The following SRGAP1 variants were observed in gnomAD, a reference collection of about 807,000 sequenced individuals.
SRGAP1 encodes the protein SLIT-ROBO Rho GTPase activating protein 1, also known as SLIT-ROBO Rho GTPase-activating protein 1.
Under a neutral mutation model 121.9 loss-of-function variants are expected in SRGAP1, and 43 were observed. The ratio of observed to expected loss-of-function variants is 0.35; its 90% CI spans 0.28 to 0.46. The LOEUF (loss-of-function observed/expected upper bound fraction) is 0.46, where lower values mean the gene tolerates loss of function less well. Among genes scored for constraint, SRGAP1 ranks in the 20% least tolerant of loss-of-function variants. The probability of loss-of-function intolerance (pLI) is 1.00; values close to 1 mark genes in which losing one functional copy is unlikely to be tolerated. For synonymous variants in SRGAP1, 447 were observed against 485.4 expected (o/e 0.92, Z 1.04); for missense variants, 1,102 against 1,350.9 (o/e 0.82, Z 2.89).
intron 1 of SRGAP1, among the ~76,000 whole-genome samples, chr12:63,873,237 C>T (rs1326601086): frequency 6.6e-6 from 1 of 151,922 alleles, no homozygotes; most frequent in African/African-American, 2.4e-5. Flanking sequence ...GATTAGAAAA[C>T]TGAGGAAAGT....
At chr12:64,097,535 A>G in intron 15 of SRGAP1, 160 bp downstream of exon 15, 1 of 772,394 alleles carries the variant, frequency 1.3e-6, no homozygotes, top group Non-Finnish European at 1.9e-6. Flanking sequence ...AGTGCGAGTC[A>G]TCCTCCCAGC....
At position 63,844,987 on chromosome 12, in the gene SRGAP1, AG is replaced by A. The variant is rs147156729; in HGVS notation, c.67+108del. ...GTGTCTGCGTGGGAGGAAGGTGGTG[AG>A]GGGACAGCTCGAGCCCTGTCTGAGC... On this transcript the variant is annotated intron_variant, in intron 1 of 21. Coordinates refer to ENST00000355086, the MANE Select transcript of SRGAP1 (RefSeq NM_020762.4). This position sits in a 1 kb window ranked among gnomAD's most constrained non-coding sequence, Gnocchi z 4.3. The A allele has an allele frequency of 9.0e-4, 1,064 of 1,181,104 alleles. 5 individuals are homozygous for A. The African/African-American group carries it at 0.014, about 16-fold the overall frequency. The allele number at this position is 1,181,104 out of a possible 1,614,324, so 73.2% of individuals were successfully genotyped here. A position where few individuals can be genotyped will look rare whatever the true frequency, so the allele number is the denominator to read the frequency against.
intron 8 of SRGAP1, among the ~76,000 whole-genome samples, chr12:64,076,908 G>T (rs540547551): frequency 8.7e-4 from 132 of 152,232 alleles, no homozygotes; most frequent in Non-Finnish European, 1.5e-3. Context: ...CTCCCAAAGT[G>T]CTGGGATTAC....
intron 10 of SRGAP1, among the ~76,000 whole-genome samples, chr12:64,083,285 T>C (rs1166320141): frequency 1.3e-5 from 2 of 152,222 alleles, no homozygotes; most frequent in Admixed American, 1.3e-4. Flanking sequence ...CTCTGAAGTA[T>C]ACTAGACTCA....
At chr12:63,877,581 T>C (rs1463253722) in intron 1 of SRGAP1, among the ~76,000 whole-genome samples, 1 of 152,244 alleles carries the variant, frequency 6.6e-6, no homozygotes, top group Admixed American at 6.5e-5. Flanking sequence ...AATGTTATAG[T>C]AATGCTACAG....
At chr12:63,958,091 G>A (rs1838433643) in intron 1 of SRGAP1, among the ~76,000 whole-genome samples, 1 of 151,864 alleles carries the variant, frequency 6.6e-6, no homozygotes, top group African/African-American at 2.4e-5. Context: ...ATACTGGGAT[G>A]GGTATATACC....
At chr12:64,023,747 G>GAT (rs917268365) in intron 4 of SRGAP1, among the ~76,000 whole-genome samples, 2 of 152,196 alleles carry the variant, frequency 1.3e-5, no homozygotes, top group African/African-American at 4.8e-5. Context: ...AGGAAATGAA[G>GAT]ATATATCCAG....
chr12:63,987,390 C>T (rs910481575), intron 2 of SRGAP1, among the ~76,000 whole-genome samples: 1 of 152,190 alleles, frequency 6.6e-6, no homozygotes, highest in Non-Finnish European at 1.5e-5. Flanking sequence ...TTTATCAAAT[C>T]AGTATGCCTT....
At chr12:63,971,124 A>G (rs1177279722) in intron 1 of SRGAP1, among the ~76,000 whole-genome samples, 3 of 152,028 alleles carry the variant, frequency 2.0e-5, no homozygotes, top group African/African-American at 7.2e-5. Context: ...ACAACTTACC[A>G]AATTTCTGCT....
intron 21 of SRGAP1, 149 bp from the exon 22 acceptor site, chr12:64,142,146 G>T: frequency 2.7e-6 from 2 of 751,386 alleles, no homozygotes; most frequent in Non-Finnish European, 4.3e-6. Context: ...GTGTGAGATG[G>T]CATAATGTTT....
chr12:64,091,910 C>T (rs1034156179), intron 12 of SRGAP1: 14 of 1,535,682 alleles, frequency 9.1e-6, no homozygotes, highest in African/African-American at 5.5e-5. Context: ...CGAAGAAACT[C>T]GCACACAAGA....
intron 10 of SRGAP1, chr12:64,081,374 C>G (rs1190056799): frequency 6.6e-6 from 1 of 151,842 alleles, no homozygotes; most frequent in Non-Finnish European, 1.5e-5. Flanking sequence ...CACCAAAGAA[C>G]TCATCATCCT....
intron 3 of SRGAP1, among the ~76,000 whole-genome samples, chr12:63,994,698 C>G (rs1042661611): frequency 6.6e-6 from 1 of 152,128 alleles, no homozygotes; most frequent in Admixed American, 6.6e-5. Context: ...TTCTGCTTAG[C>G]TATTTTAAGA....
At position 64,065,234 on chromosome 12, in the gene SRGAP1, G is replaced by A. The variant is rs377603270; in HGVS notation, c.1125+15G>A. 59 of 1,590,732 alleles carry A rather than the reference G, an allele frequency of 3.7e-5. No individual in the cohort carries two copies. The highest frequency in any genetic ancestry group is 6.8e-5 in the East Asian group (3 of 44,346). On this transcript the variant is annotated intron_variant, in intron 8 of 21. Coordinates refer to ENST00000355086, the MANE Select transcript of SRGAP1 (RefSeq NM_020762.4). ...AGAATGAAGAGGTGAGCATGCGTTC[G>A]TCCTGCCACACCAGTAATCTGAATT...
At position 63,861,304 on chromosome 12, in the gene SRGAP1, T is replaced by TA. The variant is rs201402664; in HGVS notation, c.67+16421_67+16422insA. The stretch of plus-strand genomic sequence containing the variant: ...ATGGTAGGCATATATATATATATAT[T>TA]TTTTTTTTTTTTTGAGGCAAAGTCT... On this transcript the variant is annotated intron_variant, in intron 1 of 21. Coordinates refer to ENST00000355086, the MANE Select transcript of SRGAP1 (RefSeq NM_020762.4). Among the ~76,000 whole-genome samples, 261 of 105,784 alleles carry TA rather than the reference T, an allele frequency of 2.5e-3. 1 individual carries two copies. Among genetic ancestry groups the TA allele is most frequent in the African/African-American group, 8.6e-3 (216 of 25,080 alleles). 69.4% of individuals were successfully genotyped at this position (105,784 alleles called of 152,430 possible). A position where few individuals can be genotyped will look rare whatever the true frequency, so the allele number is the denominator to read the frequency against.
intron 1 of SRGAP1, among the ~76,000 whole-genome samples, chr12:63,906,503 C>T (rs992390027): frequency 3.3e-5 from 5 of 151,882 alleles, no homozygotes; most frequent in Non-Finnish European, 5.9e-5. Context: ...TTAGTAGAGA[C>T]GGGGTTTCAC....
At chr12:63,907,801 C>T (rs1007303391) in intron 1 of SRGAP1, among the ~76,000 whole-genome samples, 3 of 152,114 alleles carry the variant, frequency 2.0e-5, no homozygotes, top group African/African-American at 4.8e-5. Flanking sequence ...TTGCCTAACC[C>T]AGGGTCATTG....
intron 6 of SRGAP1, among the ~76,000 whole-genome samples, chr12:64,056,962 C>T (rs1240804310): frequency 6.6e-6 from 1 of 152,154 alleles, no homozygotes; most frequent in East Asian, 1.9e-4. Flanking sequence ...ACCATCTGGC[C>T]TGTATTTAAT....
intron 4 of SRGAP1, among the ~76,000 whole-genome samples, chr12:64,031,964 C>G (rs958988206): frequency 6.6e-6 from 1 of 152,132 alleles, no homozygotes; most frequent in Admixed American, 6.5e-5. Flanking sequence ...GTTTGTTGTT[C>G]ATAGACCTTT....
Sources: gnomAD v4.1 joint callset for allele counts (sites outside exome capture counted in the v4.1 genomes callset) on GRCh38, gnomAD v4.1.1 for gene constraint, Gnocchi (gnomAD v3.1) non-coding constraint, MANE v1.5 for transcripts, NCBI Gene and HGNC (gene_info 2026-07-23, HGNC 2026-07-21) for gene names.